The following NRXN2 variants were observed in gnomAD, a reference collection of about 807,000 sequenced individuals.
NRXN2 encodes the protein neurexin 2.
In NRXN2, 29 loss-of-function variants were observed where a neutral mutation model predicts 128.8. That is an observed-to-expected ratio of 0.23 (90% CI 0.17 to 0.31). The LOEUF is 0.31. Among genes scored for constraint, NRXN2 ranks in the 10% least tolerant of loss-of-function variants. NRXN2 has a pLI of 1.00. For missense variants in NRXN2, 1,881 were observed against 2,452.6 expected, an observed-to-expected ratio of 0.77 and a Z score of 4.92; for synonymous variants, 1,098 against 1,075.2, an observed-to-expected ratio of 1.02 and a Z score of -0.41.
chr11:64,653,093 C>G (rs1006352936), intron 12 of NRXN2, among the ~76,000 whole-genome samples: 2 of 152,122 alleles, frequency 1.3e-5, no homozygotes, highest in African/African-American at 4.8e-5. Context: ...GCATTGAGCC[C>G]AGGCGCACTG....
At chr11:64,654,544 T>C (rs1025293222) in intron 11 of NRXN2, among the ~76,000 whole-genome samples, 36 of 152,166 alleles carry the variant, frequency 2.4e-4, no homozygotes, top group Non-Finnish European at 1.2e-4. Context: ...GGTCCTGGCA[T>C]TGCTATCCTC....
At chr11:64,688,701 C>G in intron 5 of NRXN2, 3 of 985,362 alleles carry the variant, frequency 3.0e-6, no homozygotes, top group Non-Finnish European at 3.6e-6. Flanking sequence ...TCGTTTATCT[C>G]CCACAGTTGG....
Position 64,661,060 on chromosome 11 carries a change from C to T in NRXN2, c.1878G>A (p.Leu626=). The part of the protein sequence containing the change: ...DSEILDLESE[L]YLGGLPEGGR... ...CCCCCTCAGGGAGACCGCCCAGGTACAGCTCACTCTCCAGGTCCAGAATCT... is the reference window on the plus strand; with the variant it reads ...CCCCCTCAGGGAGACCGCCCAGGTATAGCTCACTCTCCAGGTCCAGAATCT... The change falls in exon 10 of 23, where the codon CTG becomes CTA. Residue 626 remains leucine, a synonymous_variant. Coordinates refer to ENST00000265459, the MANE Select transcript of NRXN2 (RefSeq NM_015080.4). 6.2e-7 allele frequency: 1 copy of T among 1,613,524 alleles called. No homozygotes were observed. Among genetic ancestry groups the T allele is most frequent in the Non-Finnish European group, 8.5e-7 (1 of 1,180,020 alleles).
rs767732095 is a variant in NRXN2, at chr11:64,622,930, C to G, written c.3996G>C (p.Arg1332=). 1 of 1,613,298 alleles carries G rather than the reference C, an allele frequency of 6.2e-7. No homozygotes were observed. Among genetic ancestry groups the G allele is most frequent in the Non-Finnish European group, 8.5e-7 (1 of 1,179,850 alleles). The change falls in exon 21 of 23, where the codon CGG becomes CGC. Residue 1332 remains arginine (R), a synonymous_variant. Coordinates refer to ENST00000265459, the MANE Select transcript of NRXN2 (RefSeq NM_015080.4). This position sits in a 1 kb window ranked among gnomAD's most constrained non-coding sequence, Gnocchi z 4.3. ...ALAAESDPNV[R]TEGHLRLVGE... ...CCACCAGGCGCAGGTGACCCTCAGTCCGCACATTGGGGTCGCTCTCGGCGG... is the reference window on the plus strand; with the variant it reads ...CCACCAGGCGCAGGTGACCCTCAGTGCGCACATTGGGGTCGCTCTCGGCGG...
intron 1 of NRXN2, among the ~76,000 whole-genome samples, chr11:64,721,562 G>T (rs2057432867): frequency 6.6e-6 from 1 of 152,068 alleles, no homozygotes; most frequent in Non-Finnish European, 1.5e-5. Flanking sequence ...GAGGAGGTAG[G>T]GACTGAGGGG....
At chr11:64,716,606 G>T (rs1198386600) in intron 1 of NRXN2, among the ~76,000 whole-genome samples, 1 of 152,178 alleles carries the variant, frequency 6.6e-6, no homozygotes, top group Non-Finnish European at 1.5e-5. Flanking sequence ...AGGGGCAGAG[G>T]CTGGGCTTAT....
intron 2 of NRXN2, among the ~76,000 whole-genome samples, chr11:64,700,542 A>T (rs1445746538): frequency 6.6e-6 from 1 of 151,702 alleles, no homozygotes; most frequent in Non-Finnish European, 1.5e-5. Flanking sequence ...TTATCTATCG[A>T]CTCTGTACAG....
At chr11:64,659,616 C>T (rs1242027154) in intron 11 of NRXN2, 1 of 152,918 alleles carries the variant, frequency 6.5e-6, no homozygotes, top group African/African-American at 2.4e-5. Flanking sequence ...TGAGTCCTGG[C>T]TCCTCCCTCT....
rs940163348 is a variant in NRXN2 at position 64,667,115 on chromosome 11, G to T, written c.1798+135C>A. The T allele has an allele frequency of 1.1e-6, 1 of 883,048 alleles. No homozygotes were observed. The highest frequency in any genetic ancestry group is 1.8e-6 in the Non-Finnish European group (1 of 551,588). 54.7% of individuals were successfully genotyped at this position (883,048 alleles called of 1,614,324 possible). ...AAAGGACAATTGGGAAGACGTGAGG[G>T]GGGTGGAGGAGAAGCGGCAGGGAAG... On this transcript the variant is annotated intron_variant, in intron 9 of 22. Transcript: ENST00000265459. The surrounding 1 kb of genome is among the most constrained non-coding windows in gnomAD (Gnocchi z 5.6).
At chr11:64,645,075 G>A (rs376811231) in intron 17 of NRXN2, among the ~76,000 whole-genome samples, 8 of 152,166 alleles carry the variant, frequency 5.3e-5, no homozygotes, top group African/African-American at 1.9e-4. Context: ...AGGGCCCCGA[G>A]CCATGCAGTG....
intron 22 of NRXN2, among the ~76,000 whole-genome samples, chr11:64,610,211 A>G (rs2040406303): frequency 6.6e-6 from 1 of 151,748 alleles, no homozygotes; most frequent in Non-Finnish European, 1.5e-5. Flanking sequence ...GGGCTCACCT[A>G]CACCCTAGAT....
At chr11:64,613,607 G>A (rs1230110289) in intron 22 of NRXN2, among the ~76,000 whole-genome samples, 1 of 152,216 alleles carries the variant, frequency 6.6e-6, no homozygotes, top group Admixed American at 6.5e-5. Flanking sequence ...CAGATGGAAG[G>A]AGTGTGGATT....
Position 64,607,991 on chromosome 11 carries a change from G to A in NRXN2, c.4344C>T (p.Thr1448=). ...CCACTCCCGTGAGGAAGGGGTAGAA[G>A]GTAGGGGGCGGGGGCACGAAGGGGG... The part of the protein sequence containing the change: ...TRSPFVPPPP[T]FYPFLTGVGA... Residue 1448 remains threonine (T), a synonymous_variant, in exon 23 of 23, where the codon ACC becomes ACT. Coordinates refer to ENST00000265459, the MANE Select transcript of NRXN2 (RefSeq NM_015080.4). 1 of 1,539,988 alleles carries A rather than the reference G, an allele frequency of 6.5e-7. No homozygotes were observed. Among genetic ancestry groups the A allele is most frequent in the Middle Eastern group, 2.2e-4 (1 of 4,606 alleles).
chr11:64,642,817 C>T, intron 17 of NRXN2: 2 of 1,119,568 alleles, frequency 1.8e-6, no homozygotes, highest in Non-Finnish European at 2.2e-6. Flanking sequence ...GGCCCGGGGG[C>T]GACCGCCTCA....
chr11:64,673,654 AC>A (rs1374366211), intron 7 of NRXN2, among the ~76,000 whole-genome samples: 4 of 152,076 alleles, frequency 2.6e-5, no homozygotes, highest in African/African-American at 7.2e-5. Context: ...CAGGACTGAA[AC>A]AAGACAGTAT....
intron 19 of NRXN2, among the ~76,000 whole-genome samples, chr11:64,629,829 T>G (rs1182506793): frequency 6.6e-6 from 1 of 152,182 alleles, no homozygotes; most frequent in African/African-American, 2.4e-5. Context: ...CCTCACCGCC[T>G]TGGACACTGG....
chr11:64,630,084 AC>A lies in NRXN2; in HGVS notation c.3757+317del, dbSNP rs2043648874. Among the ~76,000 whole-genome samples, 3 of 146,414 alleles carry A rather than the reference AC, an allele frequency of 2.0e-5. No homozygotes were observed. In the South Asian group the frequency reaches 6.6e-4, roughly 32 times the overall value. ...ATCGCATCAGATTCTCCTCACCTCT[AC>A]CCTCCCTCCACTTCTCCCCCCACCC... On this transcript the variant is annotated intron_variant, in intron 19 of 22. Coordinates refer to ENST00000265459, the MANE Select transcript of NRXN2 (RefSeq NM_015080.4). The surrounding 1 kb of genome is among the most constrained non-coding windows in gnomAD (Gnocchi z 4.6).
At chr11:64,665,667 G>A (rs944515788) in intron 9 of NRXN2, among the ~76,000 whole-genome samples, 3 of 152,140 alleles carry the variant, frequency 2.0e-5, no homozygotes, top group African/African-American at 7.2e-5. Flanking sequence ...AGAGCCACAG[G>A]GGCCCCTCCT....
chr11:64,692,775 G>T, intron 4 of NRXN2, 72 bp downstream of exon 4: 1 of 1,554,862 alleles, frequency 6.4e-7, no homozygotes, highest in South Asian at 1.1e-5. Flanking sequence ...GAAGGACAGG[G>T]AGAAGAACAG....
Sources: gnomAD v4.1 joint callset for allele counts (sites outside exome capture counted in the v4.1 genomes callset) on GRCh38, gnomAD v4.1.1 for gene constraint, Gnocchi (gnomAD v3.1) non-coding constraint, MANE v1.5 for transcripts, NCBI Gene and HGNC (gene_info 2026-07-23, HGNC 2026-07-21) for gene names.